PTPRN: variants seen among roughly 807,000 people sequenced by gnomAD.
PTPRN encodes protein tyrosine phosphatase receptor type N.
In PTPRN, 70 loss-of-function variants were observed where a neutral mutation model predicts 108.5. The observed-to-expected ratio is 0.65, with a 90% confidence interval of 0.53 to 0.79. PTPRN has a LOEUF of 0.79. PTPRN is among the 30% of genes least tolerant of loss of function. The pLI, the probability that PTPRN is intolerant of heterozygous loss-of-function variation, is 0.00. For synonymous variants in PTPRN, 496 were observed against 524.6 expected (o/e 0.95, Z 0.75); for missense variants, 1,136 against 1,295.5 (o/e 0.88, Z 1.89).
intron 11 of PTPRN, 47 bp downstream of exon 11, chr2:219,299,258 A>G (rs750458418): frequency 3.1e-6 from 5 of 1,605,494 alleles, no homozygotes; most frequent in Non-Finnish European, 3.4e-6. Context: ...TCCTCTTAGG[A>G]GTGGGGCTGG....
Position 219,290,495 on chromosome 2 carries a change from G to A in PTPRN, c.2868+43C>T. The A allele has an allele frequency of 6.5e-7, 1 of 1,528,594 alleles. No individual in the cohort carries two copies. The highest frequency in any genetic ancestry group is 8.9e-7 in the Non-Finnish European group (1 of 1,127,062). The allele number at this position is 1,528,594 out of a possible 1,614,324, so 94.7% of individuals were successfully genotyped here. On this transcript the variant is annotated intron_variant, in intron 22 of 22. Transcript: ENST00000295718. The surrounding 1 kb of genome is among the most constrained non-coding windows in gnomAD (Gnocchi z 4.2). ...TGGGGTGGCCAAGAAGTGGGTGCTA[G>A]GGAAGGGTGGGAGCTGGGGTTGGGG...
chr2:219,295,276 C>A, intron 18 of PTPRN, 135 bp from the exon 19 acceptor site: 1 of 929,852 alleles, frequency 1.1e-6, no homozygotes, highest in Non-Finnish European at 1.6e-6. Flanking sequence ...TAAGTTCCAG[C>A]GGTCCCAGGA....
In PTPRN at chr2:219,308,116, G is replaced by A. The variant is rs1311637531; in HGVS notation, c.116-274C>T. The A allele has an allele frequency of 8.9e-6, 4 of 451,200 alleles. No individual in the cohort carries two copies. In the Admixed American group the frequency reaches 1.2e-4, roughly 13 times the overall value. 27.9% of individuals were successfully genotyped at this position (451,200 alleles called of 1,614,324 possible). ...AAGAAACCTTCCAGGTGCAGGGAGA[G>A]AGATTCATAGAATTACTGCAGGAGA... On this transcript the variant is annotated intron_variant, in intron 1 of 22. Coordinates refer to ENST00000295718, the MANE Select transcript of PTPRN (RefSeq NM_002846.4).
Position 219,290,908 on chromosome 2 carries a change from G to A in PTPRN, c.2730-18C>T. ...CACCATCACTGAAACAGGAGTTAGTGACAGGTTTAGCTTGAGATGCAGCAG... is the reference window on the plus strand; with the variant it reads ...CACCATCACTGAAACAGGAGTTAGTAACAGGTTTAGCTTGAGATGCAGCAG... On this transcript the variant is annotated intron_variant, in intron 20 of 22. Coordinates refer to ENST00000295718, the MANE Select transcript of PTPRN (RefSeq NM_002846.4). The surrounding 1 kb of genome is among the most constrained non-coding windows in gnomAD (Gnocchi z 4.2). 1 of 1,612,306 alleles carries A rather than the reference G, an allele frequency of 6.2e-7. No individual in the cohort carries two copies.
intron 4 of PTPRN, among the ~76,000 whole-genome samples, chr2:219,303,319 C>T (rs1952404060): frequency 6.6e-6 from 1 of 152,224 alleles, no homozygotes; most frequent in African/African-American, 2.4e-5. Flanking sequence ...ACCTCATTTA[C>T]TTTCCTCTGC....
At chr2:219,308,980 G>A in intron 1 of PTPRN, 1 of 1,509,120 alleles carries the variant, frequency 6.6e-7, no homozygotes. Flanking sequence ...TCCCGAACCT[G>A]CAATTTTCCC....
chr2:219,301,076 T>G, intron 7 of PTPRN, 99 bp from the exon 8 acceptor site: 1 of 1,187,268 alleles, frequency 8.4e-7, no homozygotes, highest in Non-Finnish European at 1.2e-6. Flanking sequence ...GCCTGGAACA[T>G]TTGCTGTGGT....
At position 219,289,955 on chromosome 2, in the gene PTPRN, A is replaced by T; in HGVS notation, c.*271T>A. ...CCAGGCCAGGGAATGTAGGCAGGAG[A>T]AGGCTCTGGGTAGAATTGCTACCCA... On this transcript the variant is annotated 3_prime_UTR_variant, in exon 23 of 23. Coordinates refer to ENST00000295718, the MANE Select transcript of PTPRN (RefSeq NM_002846.4). 1 of 463,194 alleles carries T rather than the reference A, an allele frequency of 2.2e-6. No homozygotes were observed. 28.7% of individuals were successfully genotyped at this position (463,194 alleles called of 1,614,324 possible). A position where few individuals can be genotyped will look rare whatever the true frequency, so the allele number is the denominator to read the frequency against.
At chr2:219,295,396 G>A in intron 18 of PTPRN, 1 of 489,416 alleles carries the variant, frequency 2.0e-6, no homozygotes, top group South Asian at 2.8e-5. Flanking sequence ...CCTCTTCCTC[G>A]CAGGGTCTAC....
intron 19 of PTPRN, chr2:219,292,607 G>C (rs1210060636): frequency 6.6e-6 from 1 of 152,162 alleles, no homozygotes; most frequent in East Asian, 1.9e-4. Flanking sequence ...ATTTAATAAT[G>C]ATAATAGGCA....
At position 219,302,106 on chromosome 2, in the gene PTPRN, A is replaced by C. The variant is rs774469555; in HGVS notation, c.994+31T>G. 107 of 1,527,960 alleles carry C rather than the reference A, an allele frequency of 7.0e-5. 1 individual carries two copies. In the South Asian group the frequency reaches 1.2e-3, roughly 17 times the overall value. The allele number at this position is 1,527,960 out of a possible 1,614,324, so 94.7% of individuals were successfully genotyped here. On this transcript the variant is annotated intron_variant, in intron 6 of 22. Coordinates refer to ENST00000295718, the MANE Select transcript of PTPRN (RefSeq NM_002846.4). ...CCATGGTTCCCCCAAAGCAGCCCTCACAGGGAGGTGGATGCTGAGGACCTT... is the reference window on the plus strand; with the variant it reads ...CCATGGTTCCCCCAAAGCAGCCCTCCCAGGGAGGTGGATGCTGAGGACCTT...
rs376796831 is a variant in PTPRN, at chr2:219,290,790, C to T, written c.2794+36G>A. The T allele has an allele frequency of 5.5e-5, 89 of 1,605,422 alleles. No homozygotes were observed. Among genetic ancestry groups the T allele is most frequent in the Non-Finnish European group, 7.1e-5 (83 of 1,172,360 alleles). ...TGTGCTGGGGAGCCTCTAAAAAGGG[C>T]CTGGGGGCTGCGGGCACCGTGGGGA... On this transcript the variant is annotated intron_variant, in intron 21 of 22. Coordinates refer to ENST00000295718, the MANE Select transcript of PTPRN (RefSeq NM_002846.4). The surrounding 1 kb of genome is among the most constrained non-coding windows in gnomAD (Gnocchi z 4.2).
Position 219,302,645 on chromosome 2 carries a change from C to A in PTPRN, c.570G>T (p.Leu190=). 1 of 1,613,760 alleles carries A rather than the reference C, an allele frequency of 6.2e-7. No individual in the cohort carries two copies. Among genetic ancestry groups the A allele is most frequent in the Non-Finnish European group, 8.5e-7 (1 of 1,179,922 alleles). The change falls in exon 5 of 23, where the codon CTG becomes CTT. Residue 190 remains leucine, a synonymous_variant. Transcript: ENST00000295718. The part of the protein sequence containing the change: ...LLPPLLEHLL[L]PPQPPHPSLS... ...GTGAAGGGTGGGGAGGCTGTGGGGG[C>A]AGCAGCAGGTGCTCCAAGAGAGGCG...
At chr2:219,298,944 C>T (rs1439938730) in intron 12 of PTPRN, 103 bp downstream of exon 12, 18 of 1,384,364 alleles carry the variant, frequency 1.3e-5, no homozygotes, top group South Asian at 5.8e-5. Context: ...GCCGTGCCTA[C>T]GGACACGTTT....
Position 219,297,807 on chromosome 2 carries a change from G to C in PTPRN, c.1887+78C>G. The C allele has an allele frequency of 6.8e-7, 1 of 1,472,874 alleles. No homozygotes were observed. Among genetic ancestry groups the C allele is most frequent in the South Asian group, 1.3e-5 (1 of 75,604 alleles). 91.2% of individuals were successfully genotyped at this position (1,472,874 alleles called of 1,614,324 possible). ...GAGGGCTCACTCCCCATTCAGTTCC[G>C]ACCCTTAGTCCACGCAAGACCCAGA... On this transcript the variant is annotated intron_variant, in intron 13 of 22. Transcript: ENST00000295718. The surrounding 1 kb of genome is among the most constrained non-coding windows in gnomAD (Gnocchi z 6.0).
At chr2:219,300,559 G>A (rs1952321124) in intron 8 of PTPRN, 2 of 462,870 alleles carry the variant, frequency 4.3e-6, no homozygotes, top group African/African-American at 4.0e-5. Context: ...ACAGGCAGGC[G>A]ATGGTTTCTA....
intron 1 of PTPRN, 115 bp downstream of exon 1, chr2:219,309,103 A>G (rs1368560848): frequency 2.1e-6 from 3 of 1,422,658 alleles, no homozygotes; most frequent in Non-Finnish European, 1.9e-6. Context: ...GCCTCCCCCA[A>G]CCCATATTCT....
chr2:219,300,948 T>C lies in PTPRN; in HGVS notation c.1156A>G (p.Lys386Glu). 3.7e-6 allele frequency: 6 copies of C among 1,614,116 alleles called. No homozygotes were observed. Among genetic ancestry groups the C allele is most frequent in the East Asian group, 2.2e-5 (1 of 44,880 alleles). ...AGGAGGTGCTGGGGACTCACTTTCT[T>C]GATATCAGCTCCAACATTTACAACC... is the stretch of plus-strand genomic sequence containing the variant. Reference protein sequence around the residue: ...GGVVNVGADIKKTMEGPVEGR... With the variant: ...GGVVNVGADIEKTMEGPVEGR... Residue 386 changes from lysine (K) to glutamate (E), a missense_variant, in exon 8 of 23, where the codon AAG becomes GAG. By Grantham distance (56) the Lys-to-Glu change is moderately conservative. Coordinates refer to ENST00000295718, the MANE Select transcript of PTPRN (RefSeq NM_002846.4).
chr2:219,294,535 GGGA>G (rs1559294252), intron 19 of PTPRN, among the ~76,000 whole-genome samples: 44 of 151,374 alleles, frequency 2.9e-4, no homozygotes, highest in Middle Eastern at 3.5e-3. Context: ...GATGAAGGAG[GGGA>G]GACGGGCAGG....
Sources: allele counts gnomAD v4.1 joint callset (sites outside exome capture counted in the v4.1 genomes callset), GRCh38; gene constraint gnomAD v4.1.1; non-coding constraint Gnocchi (gnomAD v3.1); transcripts MANE v1.5; gene names NCBI Gene and HGNC (gene_info 2026-07-23, HGNC 2026-07-21).